The following HMCN2 variants were observed in gnomAD, a reference collection of about 807,000 sequenced individuals.
HMCN2 encodes the protein hemicentin 2.
HMCN2 carries 325 observed loss-of-function variants against 377.5 expected under a neutral mutation model. The observed-to-expected ratio is 0.86, with a 90% CI of 0.79 to 0.94. The LOEUF (loss-of-function observed/expected upper bound fraction) is 0.94, where lower values mean the gene tolerates loss of function less well. HMCN2 is among the 40% of genes least tolerant of loss of function. The pLI, the probability that HMCN2 is intolerant of heterozygous loss-of-function variation, is 0.00. For missense variants in HMCN2, 4,543 were observed against 4,725.3 expected (o/e 0.96, Z 1.13); for synonymous variants, 2,007 against 2,046.8 (o/e 0.98, Z 0.53).
Position 130,304,682 on chromosome 9 carries a change from C to G in HMCN2, c.1544-48C>G. 2.3e-6 allele frequency: 1 copy of G among 428,402 alleles called. No individual in the cohort carries two copies. The allele number at this position is 428,402 out of a possible 1,614,324, so 26.5% of individuals were successfully genotyped here. A position where few individuals can be genotyped will look rare whatever the true frequency, so the allele number is the denominator to read the frequency against. Reference sequence around the variant, plus strand: ...GCACCAGGGCTTGCACGATGACCCCCTCCCTTGCCTCAGCTCCTTGGTTCC... The same window carrying G: ...GCACCAGGGCTTGCACGATGACCCCGTCCCTTGCCTCAGCTCCTTGGTTCC... On this transcript the variant is annotated intron_variant, in intron 10 of 97. Coordinates refer to ENST00000683500, the MANE Select transcript of HMCN2 (RefSeq NM_001291815.2). This position sits in a 1 kb window ranked among gnomAD's most constrained non-coding sequence, Gnocchi z 4.3.
At chr9:130,278,787 G>A (rs1834941118) in intron 1 of HMCN2, among the ~76,000 whole-genome samples, 1 of 150,810 alleles carries the variant, frequency 6.6e-6, no homozygotes, top group Non-Finnish European at 1.5e-5. Context: ...CTCCATGTTG[G>A]TCAGGCTGGT....
rs146554897 is a variant in HMCN2, at chr9:130,373,879, CATGGATGGATGGATGG to C, written c.7439-601_7439-586del. Among the ~76,000 whole-genome samples the C allele has an allele frequency of 2.7e-3, 347 of 130,536 alleles. 4 individuals carry two copies. Among genetic ancestry groups the C allele is most frequent in the African/African-American group, 0.01 (320 of 31,136 alleles). 85.6% of individuals were successfully genotyped at this position (130,536 alleles called of 152,430 possible). A position where few individuals can be genotyped will look rare whatever the true frequency, so the allele number is the denominator to read the frequency against. On this transcript the variant is annotated intron_variant, in intron 48 of 97. Transcript: ENST00000683500. ...GGATGGATGGATGTGTGGATGGGTGCATGGATGGATGGATGGATGGATGGATGGATGGATGGAGAAA... is the reference window on the plus strand; with the variant it reads ...GGATGGATGGATGTGTGGATGGGTGCATGGATGGATGGATGGATGGAGAAA...
At chr9:130,330,687 C>T (rs962357877) in intron 22 of HMCN2, among the ~76,000 whole-genome samples, 1 of 152,186 alleles carries the variant, frequency 6.6e-6, no homozygotes, top group Admixed American at 6.5e-5. Context: ...AGCTGCATCC[C>T]AGTCCCTTTG....
In HMCN2 at chr9:130,386,532, A is replaced by G; in HGVS notation, c.9391+8A>G. ...TCACCCTCACCGTCCAGGGTAAGCC[A>G]GGGACCAGCCTAGCCAACGTGACTG... On this transcript the variant is annotated splice_region_variant and intron_variant, in intron 61 of 97. Coordinates refer to ENST00000683500, the MANE Select transcript of HMCN2 (RefSeq NM_001291815.2). 7.7e-7 allele frequency: 1 copy of G among 1,302,062 alleles called. No homozygotes were observed. The highest frequency in any genetic ancestry group is 1.0e-6 in the Non-Finnish European group (1 of 988,382). The allele number at this position is 1,302,062 out of a possible 1,614,324, so 80.7% of individuals were successfully genotyped here. A position where few individuals can be genotyped will look rare whatever the true frequency, so the allele number is the denominator to read the frequency against.
Position 130,304,650 on chromosome 9 carries a change from C to G in HMCN2, c.1544-80C>G. ...TGGGCCTGCACCTCAGGGTGGGGTTCTGGGCAGCACCAGGGCTTGCACGAT... is the reference window on the plus strand; with the variant it reads ...TGGGCCTGCACCTCAGGGTGGGGTTGTGGGCAGCACCAGGGCTTGCACGAT... On this transcript the variant is annotated intron_variant, in intron 10 of 97. Transcript: ENST00000683500. This position sits in a 1 kb window ranked among gnomAD's most constrained non-coding sequence, Gnocchi z 4.3. 1 of 397,752 alleles carries G rather than the reference C, an allele frequency of 2.5e-6. No homozygotes were observed. The highest frequency in any genetic ancestry group is 5.2e-6 in the Non-Finnish European group (1 of 190,618). 24.6% of individuals were successfully genotyped at this position (397,752 alleles called of 1,614,324 possible).
chr9:130,420,074 T>C (rs557940209), intron 86 of HMCN2, among the ~76,000 whole-genome samples: 1 of 142,468 alleles, frequency 7.0e-6, no homozygotes, highest in African/African-American at 2.6e-5. Flanking sequence ...TCTTTTTTTT[T>C]TTTTTTTTTT....
intron 85 of HMCN2, among the ~76,000 whole-genome samples, chr9:130,413,371 A>T (rs1651788758): frequency 6.6e-6 from 1 of 152,136 alleles, no homozygotes; most frequent in African/African-American, 2.4e-5. Flanking sequence ...ATGGGGCGTG[A>T]TGTTAGCTGT....
chr9:130,365,051 G>C (rs1335679483), intron 41 of HMCN2, among the ~76,000 whole-genome samples, 162 bp downstream of exon 41: 1 of 152,228 alleles, frequency 6.6e-6, no homozygotes, highest in Non-Finnish European at 1.5e-5. Context: ...CAGGGCCCCT[G>C]ACTCAGCTGA....
At chr9:130,292,095 T>A (rs1264008144) in intron 4 of HMCN2, among the ~76,000 whole-genome samples, 1 of 152,094 alleles carries the variant, frequency 6.6e-6, no homozygotes, top group Non-Finnish European at 1.5e-5. Context: ...AAGGCTGAAC[T>A]TTTTGGCAGG....
chr9:130,360,765 C>T lies in HMCN2; in HGVS notation c.5950+161C>T. Among the ~76,000 whole-genome samples, 1 of 151,308 alleles carries T rather than the reference C, an allele frequency of 6.6e-6. No homozygotes were observed. The highest frequency in any genetic ancestry group is 1.9e-4 in the East Asian group (1 of 5,164). On this transcript the variant is annotated intron_variant, in intron 38 of 97. Coordinates refer to ENST00000683500, the MANE Select transcript of HMCN2 (RefSeq NM_001291815.2). This position sits in a 1 kb window ranked among gnomAD's most constrained non-coding sequence, Gnocchi z 4.7. Reference sequence around the variant, plus strand: ...TCATCCATCCAACCATCCATCCATCCATCCATCCATCCATCCATCCATCCC... The same window carrying T: ...TCATCCATCCAACCATCCATCCATCTATCCATCCATCCATCCATCCATCCC...
At chr9:130,280,093 C>A (rs1835024903) in intron 1 of HMCN2, among the ~76,000 whole-genome samples, 2 of 151,656 alleles carry the variant, frequency 1.3e-5, no homozygotes, top group African/African-American at 4.8e-5. Context: ...AGGAGGAATG[C>A]AGCCCTGCTG....
At chr9:130,345,157 TTG>T (rs1417145544) in intron 25 of HMCN2, among the ~76,000 whole-genome samples, 4 of 139,806 alleles carry the variant, frequency 2.9e-5, no homozygotes, top group African/African-American at 8.1e-5. Flanking sequence ...GGTGTGTATA[TTG>T]TGTGTGGTGT....
chr9:130,388,920 G>A (rs1237560710), intron 62 of HMCN2, among the ~76,000 whole-genome samples: 9 of 152,156 alleles, frequency 5.9e-5, no homozygotes, highest in Non-Finnish European at 7.3e-5. Context: ...GACTCAGCTC[G>A]GTCCTAGCTG....
intron 90 of HMCN2, 57 bp downstream of exon 90, chr9:130,425,981 G>C: frequency 7.6e-7 from 1 of 1,312,938 alleles, no homozygotes; most frequent in Non-Finnish European, 1.1e-6. Context: ...CTGCCAGGGG[G>C]CCCAAATGCA....
At chr9:130,384,313 T>A (rs6597635) in intron 57 of HMCN2, 60 bp from the exon 58 acceptor site, 4 of 1,229,094 alleles carry the variant, frequency 3.3e-6, no homozygotes, top group East Asian at 5.8e-5. Context: ...TCTTGGGCTC[T>A]GTGCTCCCCT....
intron 55 of HMCN2, 35 bp from the exon 56 acceptor site, chr9:130,382,644 T>TG: frequency 1.5e-6 from 1 of 654,008 alleles, no homozygotes; most frequent in Non-Finnish European, 1.9e-6. Flanking sequence ...CAGGGACCTG[T>TG]GCCAGCCCCT....
At chr9:130,419,312 C>T in intron 86 of HMCN2, 2 of 330,502 alleles carry the variant, frequency 6.1e-6, no homozygotes, top group Non-Finnish European at 5.5e-6. Flanking sequence ...TGTCTGGACA[C>T]TGCACAGCCC....
intron 36 of HMCN2, among the ~76,000 whole-genome samples, chr9:130,358,766 C>A (rs1278179634): frequency 1.3e-5 from 2 of 152,012 alleles, no homozygotes; most frequent in African/African-American, 4.8e-5. Context: ...CTCCGCCTGC[C>A]GGGTTCACGC....
At chr9:130,385,864 T>C in intron 60 of HMCN2, 102 bp downstream of exon 60, 1 of 785,930 alleles carries the variant, frequency 1.3e-6, no homozygotes, top group South Asian at 1.6e-5. Context: ...TGTGAGTTGC[T>C]GCCTCCTTGG....
Sources: allele counts gnomAD v4.1 joint callset (sites outside exome capture counted in the v4.1 genomes callset), GRCh38; gene constraint gnomAD v4.1.1; non-coding constraint Gnocchi (gnomAD v3.1); transcripts MANE v1.5; gene names NCBI Gene and HGNC (gene_info 2026-07-23, HGNC 2026-07-21).